Variants in SKAP2 observed in about 807,000 individuals in gnomAD.
SKAP2 encodes the protein src kinase-associated phosphoprotein 2.
Under a neutral mutation model 54.9 loss-of-function variants are expected in SKAP2, and 28 were observed. The ratio of observed to expected loss-of-function variants is 0.51; its 90% CI spans 0.38 to 0.70. The LOEUF is 0.70. SKAP2 is among the 30% of genes least tolerant of loss of function. The probability of loss-of-function intolerance (pLI) is 0.00; values close to 1 mark genes in which losing one functional copy is unlikely to be tolerated. For synonymous variants in SKAP2, 137 were observed against 134.3 expected (o/e 1.02, Z -0.14); for missense variants, 356 against 424.1 (o/e 0.84, Z 1.41).
At chr7:26,720,057 C>CACACAG (rs1357735724) in intron 9 of SKAP2, among the ~76,000 whole-genome samples, 11 of 121,166 alleles carry the variant, frequency 9.1e-5, no homozygotes, top group African/African-American at 3.1e-4. Flanking sequence ...CTGTAACACA[C>CACACAG]ACACACACAC....
chr7:26,744,711 T>C (rs1277383835), intron 4 of SKAP2, among the ~76,000 whole-genome samples: 1 of 151,742 alleles, frequency 6.6e-6, no homozygotes, highest in Non-Finnish European at 1.5e-5. Flanking sequence ...TGTCTCCTAA[T>C]AGACTCCTCC....
chr7:26,676,996 G>A (rs1032115163), intron 11 of SKAP2, among the ~76,000 whole-genome samples: 1 of 152,198 alleles, frequency 6.6e-6, no homozygotes, highest in African/African-American at 2.4e-5. Context: ...AGGTACAGGC[G>A]AAGATAAGGG....
downstream of SKAP2, among the ~76,000 whole-genome samples, chr7:26,662,321 C>G (rs1562567253): frequency 6.6e-6 from 1 of 152,046 alleles, no homozygotes; most frequent in Non-Finnish European, 1.5e-5. Context: ...GTTTCCCTCC[C>G]CGTTTATTTT....
At chr7:26,721,128 A>T (rs76451362) in intron 9 of SKAP2, among the ~76,000 whole-genome samples, 7,997 of 152,266 alleles carry the variant, frequency 0.053, 708 homozygotes, top group African/African-American at 0.18. Context: ...ATTCCAAAGA[A>T]GAAAGGAGAA....
chr7:26,777,973 A>C (rs1783348107), intron 4 of SKAP2, among the ~76,000 whole-genome samples: 2 of 152,070 alleles, frequency 1.3e-5, no homozygotes, highest in African/African-American at 4.8e-5. Flanking sequence ...TAATTTTATA[A>C]GCTATAAATT....
At chr7:26,785,893 G>T (rs1783533462) in intron 4 of SKAP2, among the ~76,000 whole-genome samples, 1 of 152,208 alleles carries the variant, frequency 6.6e-6, no homozygotes, top group Non-Finnish European at 1.5e-5. Context: ...CAGAGCCATT[G>T]AAGAGGCCCA....
intron 7 of SKAP2, among the ~76,000 whole-genome samples, chr7:26,726,496 C>A (rs915988813): frequency 6.6e-6 from 1 of 152,096 alleles, no homozygotes; most frequent in African/African-American, 2.4e-5. Flanking sequence ...TTTTCTCCCA[C>A]ACTCCTAAGC....
intron 1 of SKAP2, among the ~76,000 whole-genome samples, chr7:26,863,961 TATTTG>T (rs1478525240): frequency 1.3e-5 from 2 of 151,874 alleles, no homozygotes; most frequent in African/African-American, 4.8e-5. Flanking sequence ...AAGAACTACT[TATTTG>T]ACTTCTGCTC....
chr7:26,833,772 G>A lies in SKAP2; in HGVS notation c.307+10258C>T, dbSNP rs182786494. Among the ~76,000 whole-genome samples, 413 of 150,926 alleles carry A rather than the reference G, an allele frequency of 2.7e-3. 4 individuals carry two copies. The highest frequency in any genetic ancestry group is 9.5e-3 in the African/African-American group (393 of 41,310). ...ACTTAGACTCCCACACAATGATACCGGTCAATATTAGATCAACGAGACAGA... is the reference window on the plus strand; with the variant it reads ...ACTTAGACTCCCACACAATGATACCAGTCAATATTAGATCAACGAGACAGA... On this transcript the variant is annotated intron_variant, in intron 4 of 12. Transcript: ENST00000345317.
chr7:26,772,238 T>C (rs1284112065), intron 4 of SKAP2, among the ~76,000 whole-genome samples: 5 of 152,102 alleles, frequency 3.3e-5, no homozygotes, highest in Non-Finnish European at 7.4e-5. Flanking sequence ...TTTTTCACCT[T>C]TTATTTTAGG....
chr7:26,862,999 A>G (rs781237720), intron 1 of SKAP2, among the ~76,000 whole-genome samples: 1 of 152,184 alleles, frequency 6.6e-6, no homozygotes, highest in African/African-American at 2.4e-5. Context: ...ATCAGTAGTC[A>G]TGTGATGCAA....
At chr7:26,851,864 T>C (rs901991018) in intron 3 of SKAP2, among the ~76,000 whole-genome samples, 2 of 152,146 alleles carry the variant, frequency 1.3e-5, no homozygotes, top group African/African-American at 2.4e-5. Context: ...GAGAAATTAA[T>C]AACCGACTTA....
chr7:26,769,744 C>G (rs1783142983), intron 4 of SKAP2, among the ~76,000 whole-genome samples: 1 of 152,174 alleles, frequency 6.6e-6, no homozygotes, highest in South Asian at 2.1e-4. Flanking sequence ...TGCTGGGGGT[C>G]TACTCCAGAC....
intron 9 of SKAP2, among the ~76,000 whole-genome samples, chr7:26,707,310 A>T (rs1186649144): frequency 6.6e-6 from 1 of 152,024 alleles, no homozygotes; most frequent in Non-Finnish European, 1.5e-5. Flanking sequence ...CAGTGAGCCA[A>T]GATCACACCA....
intron 1 of SKAP2, among the ~76,000 whole-genome samples, chr7:26,862,397 A>G (rs1785288189): frequency 6.6e-6 from 1 of 152,022 alleles, no homozygotes; most frequent in African/African-American, 2.4e-5. Context: ...TACTTCTTGA[A>G]AATATCCTCT....
intron 4 of SKAP2, among the ~76,000 whole-genome samples, chr7:26,821,553 A>G (rs1784383274): frequency 6.6e-6 from 1 of 152,154 alleles, no homozygotes; most frequent in South Asian, 2.1e-4. Flanking sequence ...CATGATATTA[A>G]ACATGTTTAG....
At chr7:26,710,846 A>T (rs941440057) in intron 9 of SKAP2, among the ~76,000 whole-genome samples, 1 of 152,142 alleles carries the variant, frequency 6.6e-6, no homozygotes, top group Non-Finnish European at 1.5e-5. Context: ...GAGGTTTTGA[A>T]TTCTTTTATA....
chr7:26,772,450 T>C (rs943617944), intron 4 of SKAP2, among the ~76,000 whole-genome samples: 11 of 152,224 alleles, frequency 7.2e-5, no homozygotes, highest in African/African-American at 2.7e-4. Context: ...ACTCAATGTT[T>C]AGCTCCCACT....
At chr7:26,751,070 TTA>T (rs1782671517) in intron 4 of SKAP2, among the ~76,000 whole-genome samples, 1 of 152,176 alleles carries the variant, frequency 6.6e-6, no homozygotes, top group Non-Finnish European at 1.5e-5. Flanking sequence ...TACAAAAAGT[TTA>T]GAGTCATTAA....
Sources: gnomAD v4.1 joint callset for allele counts (sites outside exome capture counted in the v4.1 genomes callset) on GRCh38, gnomAD v4.1.1 for gene constraint, MANE v1.5 for transcripts, NCBI Gene and HGNC (gene_info 2026-07-23, HGNC 2026-07-21) for gene names.